The following PPFIA2 variants were observed in gnomAD, a reference collection of about 807,000 sequenced individuals.
PPFIA2 encodes liprin-alpha-2.
PPFIA2 carries 46 observed loss-of-function variants against 175.5 expected under a neutral mutation model. That is an observed-to-expected ratio of 0.26 (90% CI 0.21 to 0.34). PPFIA2 has a LOEUF of 0.34. Among genes scored for constraint, PPFIA2 ranks in the 10% least tolerant of loss-of-function variants. PPFIA2 has a pLI of 1.00. For synonymous variants in PPFIA2, 568 were observed against 511.4 expected, an observed-to-expected ratio of 1.11 and a Z score of -1.49; for missense variants, 1,179 against 1,506.1, an observed-to-expected ratio of 0.78 and a Z score of 3.60.
chr12:81,374,337 T>C (rs2035879831), intron 11 of PPFIA2, among the ~76,000 whole-genome samples: 1 of 152,078 alleles, frequency 6.6e-6, no homozygotes, highest in South Asian at 2.1e-4. Flanking sequence ...CTTTTTTGTT[T>C]ATCTCCAGGA....
chr12:81,594,577 TA>T (rs2059040358), intron 4 of PPFIA2, among the ~76,000 whole-genome samples: 1 of 152,088 alleles, frequency 6.6e-6, no homozygotes, highest in Non-Finnish European at 1.5e-5. Flanking sequence ...AACTCATAAA[TA>T]AAAAATGTAA....
intron 13 of PPFIA2, 79 bp from the exon 14 acceptor site, chr12:81,367,249 A>T: frequency 1.1e-6 from 1 of 929,960 alleles, no homozygotes; most frequent in Non-Finnish European, 1.4e-6. Flanking sequence ...ATATCTTATC[A>T]CTCAAGAATC....
Position 81,504,556 on chromosome 12 carries a change from C to G in PPFIA2, c.304-46690G>C, listed in dbSNP as rs576437900. Among the ~76,000 whole-genome samples the G allele has an allele frequency of 5.3e-5, 8 of 152,182 alleles. No individual in the cohort carries two copies. The South Asian group carries it at 1.7e-3, about 32-fold the overall frequency. ...TTTACACTGTTGGTGGGAGTGTAAA[C>G]TAGTTCAACCATTGTGGAAGACAGT... On this transcript the variant is annotated intron_variant, in intron 4 of 32. Transcript: ENST00000549396.
chr12:81,668,437 G>A (rs947338848), intron 4 of PPFIA2, among the ~76,000 whole-genome samples: 1 of 151,958 alleles, frequency 6.6e-6, no homozygotes, highest in Non-Finnish European at 1.5e-5. Flanking sequence ...TTGCATGTCC[G>A]CAAACTCCAA....
intron 4 of PPFIA2, among the ~76,000 whole-genome samples, chr12:81,471,659 C>A (rs2056754300): frequency 6.6e-6 from 1 of 151,544 alleles, no homozygotes; most frequent in Non-Finnish European, 1.5e-5. Context: ...GGTTATATAC[C>A]CAGAAGTGGG....
chr12:81,742,507 A>G (rs2153655366), intron 3 of PPFIA2, among the ~76,000 whole-genome samples: 1 of 152,346 alleles, frequency 6.6e-6, no homozygotes, highest in Middle Eastern at 3.4e-3. Flanking sequence ...TTTGGGCCTA[A>G]GCCAATGGAA....
At chr12:81,347,139 A>T (rs986382506) in intron 18 of PPFIA2, among the ~76,000 whole-genome samples, 2 of 150,874 alleles carry the variant, frequency 1.3e-5, no homozygotes, top group African/African-American at 4.9e-5. Flanking sequence ...TTTTTTTGAG[A>T]TGCGGTCTTG....
chr12:81,280,307 C>T (rs2041774674), intron 27 of PPFIA2, among the ~76,000 whole-genome samples: 1 of 152,112 alleles, frequency 6.6e-6, no homozygotes, highest in African/African-American at 2.4e-5. Flanking sequence ...TTTTAAAAAA[C>T]ACTGTTATAT....
chr12:81,547,470 G>A (rs1316604472), intron 4 of PPFIA2, among the ~76,000 whole-genome samples: 1 of 151,836 alleles, frequency 6.6e-6, no homozygotes, highest in East Asian at 1.9e-4. Context: ...CTGCCTCCCT[G>A]GTTCAAGCGA....
chr12:81,590,387 C>T (rs2058533562), intron 4 of PPFIA2, among the ~76,000 whole-genome samples: 1 of 152,078 alleles, frequency 6.6e-6, no homozygotes, highest in Admixed American at 6.6e-5. Context: ...GATGAAAAGC[C>T]AGAATTACCT....
At position 81,692,335 on chromosome 12, in the gene PPFIA2, G is replaced by A. The variant is rs1442951344; in HGVS notation, c.250-15491C>T. ...TGATACTTTGATTGCAGCCTTGTGAGAGATCTGGAGTCTGAGGACCCAGCT... is the reference window on the plus strand; with the variant it reads ...TGATACTTTGATTGCAGCCTTGTGAAAGATCTGGAGTCTGAGGACCCAGCT... On this transcript the variant is annotated intron_variant, in intron 3 of 32. Transcript: ENST00000549396. Among the ~76,000 whole-genome samples, 3 of 152,090 alleles carry A rather than the reference G, an allele frequency of 2.0e-5. No homozygotes were observed. The East Asian group carries it at 5.8e-4, about 29-fold the overall frequency.
At chr12:81,519,143 C>A (rs988137659) in intron 4 of PPFIA2, among the ~76,000 whole-genome samples, 1 of 151,952 alleles carries the variant, frequency 6.6e-6, no homozygotes, top group African/African-American at 2.4e-5. Context: ...TGGAAATTAC[C>A]TCAATTAAAG....
chr12:81,452,801 T>G (rs1319398176), intron 5 of PPFIA2, among the ~76,000 whole-genome samples: 1 of 152,162 alleles, frequency 6.6e-6, no homozygotes, highest in Non-Finnish European at 1.5e-5. Context: ...TCTGTTAAGA[T>G]AATTCCTTTG....
At chr12:81,498,701 T>C (rs2060277979) in intron 4 of PPFIA2, among the ~76,000 whole-genome samples, 1 of 152,182 alleles carries the variant, frequency 6.6e-6, no homozygotes, top group Non-Finnish European at 1.5e-5. Flanking sequence ...CTCGGCTCAC[T>C]GCAACCTCCA....
At chr12:81,651,771 G>C (rs1170923622) in intron 4 of PPFIA2, among the ~76,000 whole-genome samples, 2 of 152,064 alleles carry the variant, frequency 1.3e-5, no homozygotes, top group Non-Finnish European at 2.9e-5. Context: ...GATAAAATTG[G>C]AATTAAACTC....
chr12:81,603,828 A>T (rs1485416992), intron 4 of PPFIA2, among the ~76,000 whole-genome samples: 1 of 28,040 alleles, frequency 3.6e-5, no homozygotes, highest in African/African-American at 2.2e-4. Context: ...TTCTGACTAA[A>T]AAAAAAAAAA....
At chr12:81,393,453 T>C (rs939228546) in intron 8 of PPFIA2, among the ~76,000 whole-genome samples, 4 of 152,052 alleles carry the variant, frequency 2.6e-5, no homozygotes, top group Non-Finnish European at 5.9e-5. Flanking sequence ...GATGTGTAAA[T>C]ATAAGTCAAG....
At chr12:81,551,124 G>T (rs2067847706) in intron 4 of PPFIA2, among the ~76,000 whole-genome samples, 2 of 152,082 alleles carry the variant, frequency 1.3e-5, no homozygotes, top group African/African-American at 4.8e-5. Context: ...GGCTAGAAAT[G>T]TACGCTCAGA....
intron 32 of PPFIA2, chr12:81,260,757 G>C (rs894366465): frequency 6.6e-6 from 1 of 152,168 alleles, no homozygotes; most frequent in East Asian, 1.9e-4. Context: ...AGCACAAGGT[G>C]AGTTGTTCCT....
Sources: gnomAD v4.1 joint callset for allele counts (sites outside exome capture counted in the v4.1 genomes callset) on GRCh38, gnomAD v4.1.1 for gene constraint, MANE v1.5 for transcripts, NCBI Gene and HGNC (gene_info 2026-07-23, HGNC 2026-07-21) for gene names.